The following XKR4 variants were observed in gnomAD, a reference collection of about 807,000 sequenced individuals.
XKR4 encodes the protein XK-related protein 4.
Under a neutral mutation model 53.9 loss-of-function variants are expected in XKR4, and 12 were observed. The ratio of observed to expected loss-of-function variants is 0.22; its 90% CI spans 0.14 to 0.36. The LOEUF (loss-of-function observed/expected upper bound fraction) is 0.36. Ranked by LOEUF, XKR4 falls within the 10% of genes least tolerant of loss-of-function variation. XKR4 has a pLI of 1.00. For synonymous variants in XKR4, 354 were observed against 362.4 expected (o/e 0.98, Z 0.26); for missense variants, 799 against 859.5 (o/e 0.93, Z 0.88).
At chr8:55,107,210 T>A (rs1816162975) in intron 1 of XKR4, among the ~76,000 whole-genome samples, 1 of 152,146 alleles carries the variant, frequency 6.6e-6, no homozygotes. Flanking sequence ...ATTATTAGTA[T>A]CTGTATATGT....
intron 2 of XKR4, among the ~76,000 whole-genome samples, chr8:55,438,423 TA>T (rs570334731): frequency 8.7e-5 from 13 of 149,794 alleles, no homozygotes; most frequent in East Asian, 2.0e-4. Context: ...CCGTCTCTAT[TA>T]AAAAAAAATA....
chr8:55,269,877 G>A (rs1818662274), intron 1 of XKR4, among the ~76,000 whole-genome samples: 1 of 152,114 alleles, frequency 6.6e-6, no homozygotes, highest in Non-Finnish European at 1.5e-5. Context: ...TAGTAAGCAT[G>A]GAAACTTCAG....
intron 1 of XKR4, among the ~76,000 whole-genome samples, chr8:55,114,463 G>A (rs1394120975): frequency 6.6e-6 from 1 of 152,096 alleles, no homozygotes; most frequent in Admixed American, 6.6e-5. Context: ...TGTACAGGAA[G>A]TCAGAGTCCA....
chr8:55,464,711 T>A (rs1265291226), intron 2 of XKR4, among the ~76,000 whole-genome samples: 3 of 152,172 alleles, frequency 2.0e-5, no homozygotes, highest in Non-Finnish European at 4.4e-5. Flanking sequence ...TGTTTGCAGA[T>A]GACATGATTG....
chr8:55,127,501 C>G (rs1488507902), intron 1 of XKR4, among the ~76,000 whole-genome samples: 1 of 151,622 alleles, frequency 6.6e-6, no homozygotes, highest in Non-Finnish European at 1.5e-5. Context: ...AATCTGCCCT[C>G]CTTGGCCTCC....
chr8:55,311,570 G>A (rs1819389396), intron 1 of XKR4, among the ~76,000 whole-genome samples: 1 of 152,002 alleles, frequency 6.6e-6, no homozygotes, highest in African/African-American at 2.4e-5. Context: ...TAGGCTCTTA[G>A]GGTCTAACAC....
At chr8:55,483,561 G>C (rs867441882) in intron 2 of XKR4, among the ~76,000 whole-genome samples, 1 of 152,052 alleles carries the variant, frequency 6.6e-6, no homozygotes, top group South Asian at 2.1e-4. Flanking sequence ...CGGATGCCAG[G>C]TGGAAACACT....
At chr8:55,183,119 A>G (rs1817335505) in intron 1 of XKR4, among the ~76,000 whole-genome samples, 1 of 151,972 alleles carries the variant, frequency 6.6e-6, no homozygotes, top group Non-Finnish European at 1.5e-5. Context: ...TATCCCCAAG[A>G]TTAGTAATTT....
intron 1 of XKR4, among the ~76,000 whole-genome samples, chr8:55,126,011 A>G (rs1219985430): frequency 6.6e-6 from 1 of 151,938 alleles, no homozygotes; most frequent in Non-Finnish European, 1.5e-5. Context: ...CCTTTTTTTT[A>G]TGAGCAGTTA....
At chr8:55,433,462 T>C (rs1217330346) in intron 2 of XKR4, among the ~76,000 whole-genome samples, 1 of 152,222 alleles carries the variant, frequency 6.6e-6, no homozygotes, top group Non-Finnish European at 1.5e-5. Flanking sequence ...TTTTATACTC[T>C]CATTTTCAAG....
At chr8:55,441,543 C>G (rs766270170) in intron 2 of XKR4, among the ~76,000 whole-genome samples, 10 of 152,108 alleles carry the variant, frequency 6.6e-5, no homozygotes, top group Admixed American at 3.3e-4. Context: ...GCACTCGACT[C>G]CATAATACAT....
chr8:55,274,805 G>A (rs10093261), intron 1 of XKR4, among the ~76,000 whole-genome samples: 111,873 of 151,968 alleles, frequency 0.74, 44,825 homozygotes, highest in Non-Finnish European at 0.91. Flanking sequence ...CCTCTTCAGA[G>A]GCCCTGTCTC....
intron 1 of XKR4, among the ~76,000 whole-genome samples, chr8:55,142,666 A>T (rs1477965603): frequency 6.6e-6 from 1 of 152,012 alleles, no homozygotes. Context: ...AATAAACTTT[A>T]AAAAAAAATT....
At chr8:55,470,867 A>G (rs750221892) in intron 2 of XKR4, among the ~76,000 whole-genome samples, 65 of 152,168 alleles carry the variant, frequency 4.3e-4, no homozygotes, top group Non-Finnish European at 7.5e-4. Flanking sequence ...CAACATGGCT[A>G]TTAAATATTT....
intron 1 of XKR4, among the ~76,000 whole-genome samples, chr8:55,285,975 G>T (rs1818902438): frequency 6.6e-6 from 1 of 152,230 alleles, no homozygotes; most frequent in Admixed American, 6.5e-5. Flanking sequence ...GCAGTTGAAA[G>T]CAGGCTCACA....
intron 1 of XKR4, among the ~76,000 whole-genome samples, chr8:55,138,994 G>C (rs976427900): frequency 1.3e-5 from 2 of 152,220 alleles, no homozygotes; most frequent in Non-Finnish European, 2.9e-5. Context: ...TGGCTCGTCT[G>C]TCTGAGATCT....
intron 2 of XKR4, among the ~76,000 whole-genome samples, chr8:55,403,847 T>C (rs1411293584): frequency 1.3e-5 from 2 of 152,234 alleles, no homozygotes; most frequent in East Asian, 1.9e-4. Context: ...AATTTTCTTC[T>C]CAATAAAAAG....
intron 1 of XKR4, among the ~76,000 whole-genome samples, chr8:55,329,315 G>A (rs1221624306): frequency 6.6e-6 from 1 of 151,986 alleles, no homozygotes; most frequent in Non-Finnish European, 1.5e-5. Flanking sequence ...TGTAGCCCAG[G>A]ACGGCTCTGC....
At chr8:55,433,112 A>G (rs1805125572) in intron 2 of XKR4, among the ~76,000 whole-genome samples, 1 of 152,184 alleles carries the variant, frequency 6.6e-6, no homozygotes, top group Non-Finnish European at 1.5e-5. Flanking sequence ...CACTTTTTTC[A>G]CAGTAACAAT....
Sources: allele counts gnomAD v4.1 joint callset (sites outside exome capture counted in the v4.1 genomes callset), GRCh38; gene constraint gnomAD v4.1.1; transcripts MANE v1.5; gene names NCBI Gene and HGNC (gene_info 2026-07-23, HGNC 2026-07-21).